MACROD2: variants seen among roughly 807,000 people sequenced by gnomAD.
The protein encoded by MACROD2 is mono-ADP ribosylhydrolase 2, also known as ADP-ribose glycohydrolase MACROD2.
MACROD2 carries 36 observed loss-of-function variants against 70.4 expected under a neutral mutation model. The ratio of observed to expected loss-of-function variants is 0.51; its 90% confidence interval spans 0.39 to 0.68. MACROD2 has a LOEUF of 0.68. Among genes scored for constraint, MACROD2 ranks in the 30% least tolerant of loss-of-function variants. The probability of loss-of-function intolerance (pLI) is 0.00; values close to 1 mark genes in which losing one functional copy is unlikely to be tolerated. For synonymous variants in MACROD2, 172 were observed against 178.8 expected (o/e 0.96, Z 0.30); for missense variants, 496 against 538.4 (o/e 0.92, Z 0.78).
At chr20:13,996,058 C>T (rs1159082116) in intron 1 of MACROD2, among the ~76,000 whole-genome samples, 3 of 152,180 alleles carry the variant, frequency 2.0e-5, no homozygotes, top group Non-Finnish European at 2.9e-5. Context: ...TTGCCCTCGG[C>T]ACCCCGTCAC....
chr20:15,573,306 T>G (rs1052116992), intron 8 of MACROD2, among the ~76,000 whole-genome samples: 2 of 152,162 alleles, frequency 1.3e-5, no homozygotes, highest in Non-Finnish European at 2.9e-5. Flanking sequence ...GAAAATAAAC[T>G]TTTGTTTCTA....
In MACROD2 at chr20:15,063,027, C is replaced by T. The variant is rs78339674; in HGVS notation, c.419-166913C>T. 4.9e-3 allele frequency among the ~76,000 whole-genome samples: 753 copies of T among 152,290 alleles called. 7 individuals are homozygous for T. Among genetic ancestry groups the T allele is most frequent in the African/African-American group, 0.017 (719 of 41,576 alleles). On this transcript the variant is annotated intron_variant, in intron 5 of 17. Transcript: ENST00000684519. ...AGCTAGACCTGGTGCTATATATTTC[C>T]TTCATACCATACTTCATTTCCAAAG...
intron 8 of MACROD2, among the ~76,000 whole-genome samples, chr20:15,515,443 C>T (rs1462815255): frequency 6.6e-6 from 1 of 152,196 alleles, no homozygotes; most frequent in Non-Finnish European, 1.5e-5. Flanking sequence ...GTTATCTCTG[C>T]TCAAATACTG....
chr20:14,656,126 A>G (rs1038739691), intron 4 of MACROD2, among the ~76,000 whole-genome samples: 1 of 152,150 alleles, frequency 6.6e-6, no homozygotes, highest in East Asian at 1.9e-4. Context: ...CCCATAGCCA[A>G]TCCATTTCTC....
chr20:15,456,819 A>T (rs1422053721), intron 7 of MACROD2, among the ~76,000 whole-genome samples: 4 of 152,050 alleles, frequency 2.6e-5, no homozygotes. Flanking sequence ...TAGACATAGG[A>T]TTTGTATTGT....
intron 3 of MACROD2, among the ~76,000 whole-genome samples, chr20:14,289,472 A>G (rs1453713169): frequency 1.3e-5 from 2 of 152,144 alleles, no homozygotes; most frequent in Non-Finnish European, 2.9e-5. Flanking sequence ...TACTCCTTTT[A>G]GCCTTACATT....
At chr20:15,151,077 A>G (rs1734917) in intron 5 of MACROD2, among the ~76,000 whole-genome samples, 95,565 of 151,856 alleles carry the variant, frequency 0.63, 30,544 homozygotes, top group African/African-American at 0.72. Flanking sequence ...CGAGGCGATC[A>G]GGCAGTGTCA....
chr20:15,493,594 T>C (rs1346857211), intron 7 of MACROD2, among the ~76,000 whole-genome samples: 2 of 152,204 alleles, frequency 1.3e-5, no homozygotes, highest in Non-Finnish European at 2.9e-5. Context: ...ATTTGAATTT[T>C]ATATCAGGTG....
chr20:15,817,706 A>T (rs1368045769), intron 8 of MACROD2, among the ~76,000 whole-genome samples: 1 of 151,822 alleles, frequency 6.6e-6, no homozygotes, highest in Admixed American at 6.6e-5. Context: ...TCACCACCAC[A>T]CCCTTCTAAT....
At chr20:15,216,527 A>C (rs2076811946) in intron 5 of MACROD2, among the ~76,000 whole-genome samples, 1 of 152,200 alleles carries the variant, frequency 6.6e-6, no homozygotes, top group Non-Finnish European at 1.5e-5. Flanking sequence ...TCGGAGAGAA[A>C]AAATAATTTT....
At chr20:14,947,611 G>A (rs1354092101) in intron 5 of MACROD2, among the ~76,000 whole-genome samples, 1 of 152,150 alleles carries the variant, frequency 6.6e-6, no homozygotes, top group Non-Finnish European at 1.5e-5. Flanking sequence ...GTCACCTAGA[G>A]GGCTTATTAA....
intron 14 of MACROD2, 78 bp from the exon 15 acceptor site, chr20:15,986,988 C>T: frequency 1.5e-6 from 2 of 1,315,696 alleles, no homozygotes; most frequent in Non-Finnish European, 1.1e-6. Flanking sequence ...CTCTAACTTT[C>T]TATACCATAG....
intron 15 of MACROD2, among the ~76,000 whole-genome samples, chr20:16,000,659 T>C (rs905727527): frequency 5.3e-5 from 8 of 152,186 alleles, no homozygotes; most frequent in African/African-American, 1.9e-4. Context: ...CTACCTACTT[T>C]CCCGCGAACT....
intron 5 of MACROD2, among the ~76,000 whole-genome samples, chr20:14,712,310 A>C (rs2071347870): frequency 6.6e-6 from 1 of 152,224 alleles, no homozygotes; most frequent in African/African-American, 2.4e-5. Context: ...ATTAAGGCAG[A>C]AAGCAGCCAA....
At chr20:14,043,754 G>T (rs1210198033) in intron 2 of MACROD2, among the ~76,000 whole-genome samples, 1 of 152,166 alleles carries the variant, frequency 6.6e-6, no homozygotes, top group Non-Finnish European at 1.5e-5. Flanking sequence ...CTTCAAGATG[G>T]AAAGGCAGGG....
intron 8 of MACROD2, among the ~76,000 whole-genome samples, chr20:15,809,088 A>G (rs2063794818): frequency 6.6e-6 from 1 of 152,176 alleles, no homozygotes; most frequent in African/African-American, 2.4e-5. Flanking sequence ...CATAGCAGCC[A>G]TTTTCTATGT....
chr20:15,361,040 A>C (rs994782253), intron 6 of MACROD2, among the ~76,000 whole-genome samples: 10 of 151,950 alleles, frequency 6.6e-5, no homozygotes, highest in Non-Finnish European at 1.2e-4. Flanking sequence ...GGTCTTTCAC[A>C]GAGCAAAAAT....
intron 5 of MACROD2, among the ~76,000 whole-genome samples, chr20:14,907,227 A>G (rs1474525629): frequency 1.3e-5 from 2 of 152,202 alleles, no homozygotes; most frequent in African/African-American, 4.8e-5. Context: ...TAATTTGCAT[A>G]CAATTGAAAG....
chr20:15,684,884 G>A (rs534351432), intron 8 of MACROD2, among the ~76,000 whole-genome samples: 7 of 152,182 alleles, frequency 4.6e-5, no homozygotes, highest in Admixed American at 1.3e-4. Flanking sequence ...ATTTTGATGC[G>A]AAAGGATGAA....
Sources: allele counts gnomAD v4.1 joint callset (sites outside exome capture counted in the v4.1 genomes callset), GRCh38; gene constraint gnomAD v4.1.1; transcripts MANE v1.5; gene names NCBI Gene and HGNC (gene_info 2026-07-23, HGNC 2026-07-21).